The following WDR41 variants were observed in gnomAD, a reference collection of about 807,000 sequenced individuals.
The protein encoded by WDR41 is WD repeat-containing protein 41.
Under a neutral mutation model 69.3 loss-of-function variants are expected in WDR41, and 63 were observed. The ratio of observed to expected loss-of-function variants is 0.91; its 90% CI spans 0.74 to 1.12. WDR41 has a LOEUF of 1.12. Ranked by LOEUF, WDR41 falls within the 50% of genes most tolerant of loss-of-function variation. The pLI is 0.00. For synonymous variants in WDR41, 185 were observed against 192.1 expected (o/e 0.96, Z 0.31); for missense variants, 543 against 534.5 (o/e 1.02, Z -0.16).
intron 1 of WDR41, among the ~76,000 whole-genome samples, chr5:77,575,897 G>A (rs531649113): frequency 2.1e-5 from 3 of 145,134 alleles, no homozygotes; most frequent in South Asian, 2.2e-4. Flanking sequence ...AAAATGCACC[G>A]AGTCTACAAA....
At chr5:77,448,723 C>T (rs1382429528) in intron 8 of WDR41, among the ~76,000 whole-genome samples, 1 of 151,970 alleles carries the variant, frequency 6.6e-6, no homozygotes, top group African/African-American at 2.4e-5. Flanking sequence ...CAAAAATTAG[C>T]TGGGCATGGT....
intron 1 of WDR41, among the ~76,000 whole-genome samples, chr5:77,598,955 A>G (rs951169981): frequency 1.3e-5 from 2 of 152,106 alleles, no homozygotes; most frequent in Non-Finnish European, 2.9e-5. Context: ...TGACAAAAGA[A>G]AATACAGTAA....
At chr5:77,492,410 T>C (rs561941380), upstream of WDR41, 28 of 661,810 alleles carry the variant, frequency 4.2e-5, no homozygotes, top group Non-Finnish European at 5.9e-5. Context: ...AGCGCTCCCG[T>C]ACCCAGCCAC....
intron 1 of WDR41, among the ~76,000 whole-genome samples, chr5:77,617,626 G>T: frequency 6.6e-6 from 1 of 152,048 alleles, no homozygotes; most frequent in Admixed American, 6.6e-5. Flanking sequence ...GAAGCAAAAT[G>T]CAAAACAAAA....
intron 1 of WDR41, among the ~76,000 whole-genome samples, chr5:77,521,906 C>T (rs937379618): frequency 6.6e-6 from 1 of 152,184 alleles, no homozygotes; most frequent in African/African-American, 2.4e-5. Flanking sequence ...TGTTAAGATG[C>T]TGTGAGTCTT....
At chr5:77,533,265 G>A (rs1393225860) in intron 1 of WDR41, among the ~76,000 whole-genome samples, 1 of 152,040 alleles carries the variant, frequency 6.6e-6, no homozygotes, top group Admixed American at 6.6e-5. Flanking sequence ...ATTTACTTTT[G>A]GTAGTGTGTA....
chr5:77,519,432 A>G (rs1181161334), intron 1 of WDR41, among the ~76,000 whole-genome samples: 1 of 151,874 alleles, frequency 6.6e-6, no homozygotes, highest in Non-Finnish European at 1.5e-5. Context: ...TTCAGGTTGT[A>G]ATTTATCTCC....
At chr5:77,516,407 T>C (rs1214756295) in intron 1 of WDR41, among the ~76,000 whole-genome samples, 1 of 152,208 alleles carries the variant, frequency 6.6e-6, no homozygotes, top group African/African-American at 2.4e-5. Context: ...ACTTTTTCCG[T>C]AACTAATCAA....
Position 77,432,514 on chromosome 5 carries a change from T to G in WDR41, c.*621A>C, listed in dbSNP as rs1436546939. 4.6e-5 allele frequency: 7 copies of G among 152,322 alleles called. No individual in the cohort carries two copies. Among genetic ancestry groups the G allele is most frequent in the African/African-American group, 1.7e-4 (7 of 41,448 alleles). 9.4% of individuals were successfully genotyped at this position (152,322 alleles called of 1,614,324 possible). A position where few individuals can be genotyped will look rare whatever the true frequency, so the allele number is the denominator to read the frequency against. On this transcript the variant is annotated 3_prime_UTR_variant, in exon 13 of 13. Coordinates refer to ENST00000296679, the MANE Select transcript of WDR41 (RefSeq NM_018268.4). ...TAGTACCCATTTAGCCCATGGCTCT[T>G]CAAGCCAATTCACACTGGGAAAAAC... is the stretch of plus-strand genomic sequence containing the variant.
At chr5:77,515,752 T>C (rs536558777) in intron 1 of WDR41, among the ~76,000 whole-genome samples, 1 of 152,266 alleles carries the variant, frequency 6.6e-6, no homozygotes, top group Admixed American at 6.5e-5. Flanking sequence ...CAGTCTGTCA[T>C]TGACCAAAAA....
At chr5:77,515,082 T>C (rs1179261450) in intron 1 of WDR41, among the ~76,000 whole-genome samples, 2 of 152,174 alleles carry the variant, frequency 1.3e-5, no homozygotes, top group Non-Finnish European at 2.9e-5. Flanking sequence ...TCTTCAATCA[T>C]AAATTAACCT....
At chr5:77,586,851 T>C (rs1744048516) in intron 1 of WDR41, among the ~76,000 whole-genome samples, 1 of 150,752 alleles carries the variant, frequency 6.6e-6, no homozygotes, top group African/African-American at 2.4e-5. Context: ...CCCGAGTAGC[T>C]GGGACTACAG....
At chr5:77,613,826 A>G (rs1172375263) in intron 1 of WDR41, among the ~76,000 whole-genome samples, 1 of 152,276 alleles carries the variant, frequency 6.6e-6, no homozygotes, top group East Asian at 1.9e-4. Context: ...GCTTCTGCAA[A>G]GCAAAAGAAA....
chr5:77,481,247 A>G (rs1468332503), intron 2 of WDR41, among the ~76,000 whole-genome samples: 2 of 151,544 alleles, frequency 1.3e-5, no homozygotes, highest in African/African-American at 4.9e-5. Flanking sequence ...TTACCTTGTG[A>G]TCCACCCGCC....
At chr5:77,585,623 C>A (rs1295062577) in intron 1 of WDR41, among the ~76,000 whole-genome samples, 2 of 152,144 alleles carry the variant, frequency 1.3e-5, no homozygotes, top group African/African-American at 2.4e-5. Flanking sequence ...TATACATATA[C>A]AATGGAATAC....
chr5:77,583,044 G>T (rs1227713228), intron 1 of WDR41: 14 of 1,597,122 alleles, frequency 8.8e-6, no homozygotes, highest in Middle Eastern at 1.9e-4. Context: ...TGAAGAAAAA[G>T]ACCACCCATT....
chr5:77,434,242 T>C (rs540345923), intron 12 of WDR41, among the ~76,000 whole-genome samples: 6 of 151,162 alleles, frequency 4.0e-5, no homozygotes, highest in Admixed American at 2.0e-4. Context: ...ACCCAGGAGG[T>C]AGAGGTTGCA....
In WDR41 at chr5:77,431,424, G is replaced by A. The variant is rs569831179; in HGVS notation, c.*1711C>T. The A allele has an allele frequency of 2.0e-5, 3 of 152,304 alleles. No homozygotes were observed. Among genetic ancestry groups the A allele is most frequent in the East Asian group, 1.9e-4 (1 of 5,180 alleles). 9.4% of individuals were successfully genotyped at this position (152,304 alleles called of 1,614,324 possible). On this transcript the variant is annotated 3_prime_UTR_variant, in exon 13 of 13. Coordinates refer to ENST00000296679, the MANE Select transcript of WDR41 (RefSeq NM_018268.4). ...CATTTTTTAGAAATTTAAGACTGTA[G>A]TATAAACACAAGTTTTATAGGCACT...
At chr5:77,514,056 G>GA (rs559496384) in intron 1 of WDR41, among the ~76,000 whole-genome samples, 247 of 151,958 alleles carry the variant, frequency 1.6e-3, no homozygotes, top group African/African-American at 5.3e-3. Context: ...TACTCAAACA[G>GA]AAAAAAACAG....
Sources: gnomAD v4.1 joint callset for allele counts (sites outside exome capture counted in the v4.1 genomes callset) on GRCh38, gnomAD v4.1.1 for gene constraint, MANE v1.5 for transcripts, NCBI Gene and HGNC (gene_info 2026-07-23, HGNC 2026-07-21) for gene names.